Variants in ZBBX observed in about 807,000 individuals in gnomAD.
The protein encoded by ZBBX is zinc finger B-box domain containing, also known as zinc finger B-box domain-containing protein 1.
ZBBX carries 101 observed loss-of-function variants against 108.5 expected under a neutral mutation model. That is an observed-to-expected ratio of 0.93 (90% CI 0.79 to 1.10). ZBBX has a LOEUF of 1.10. Ranked by LOEUF, ZBBX falls within the 50% of genes least tolerant of loss-of-function variation. The probability of loss-of-function intolerance (pLI) is 0.00; values close to 1 mark genes in which losing one functional copy is unlikely to be tolerated. For synonymous variants in ZBBX, 356 were observed against 323.4 expected (o/e 1.10, Z -1.08); for missense variants, 1,009 against 941.4 (o/e 1.07, Z -0.94).
chr3:167,207,243 T>C, the ZBBX span, among the ~76,000 whole-genome samples: 3 of 152,208 alleles, frequency 2.0e-5, no homozygotes, highest in Non-Finnish European at 1.5e-5. Flanking sequence ...ATCCAAAATA[T>C]GTAAGGAATT....
chr3:167,211,717 A>C, the ZBBX span, among the ~76,000 whole-genome samples: 295 of 151,874 alleles, frequency 1.9e-3, 1 homozygote, highest in Non-Finnish European at 3.4e-3. Context: ...AAACATGGCC[A>C]GACTGCTACT....
chr3:167,314,913 T>C (rs1402681819), intron 15 of ZBBX, among the ~76,000 whole-genome samples: 1 of 152,008 alleles, frequency 6.6e-6, no homozygotes, highest in African/African-American at 2.4e-5. Context: ...AGAGATAGAG[T>C]GGTGCATATA....
chr3:167,273,099 C>G (rs1258358220), intron 20 of ZBBX, among the ~76,000 whole-genome samples: 1 of 152,112 alleles, frequency 6.6e-6, no homozygotes, highest in African/African-American at 2.4e-5. Context: ...CTCTTCACCC[C>G]CTTCCTTCTC....
intron 6 of ZBBX, among the ~76,000 whole-genome samples, chr3:167,364,312 C>A (rs1485953272): frequency 6.6e-6 from 1 of 151,992 alleles, no homozygotes; most frequent in Non-Finnish European, 1.5e-5. Flanking sequence ...TTCAGAAACA[C>A]TAGTCTAAAT....
At chr3:167,397,043 A>T (rs1748256414) in intron 1 of ZBBX, among the ~76,000 whole-genome samples, 1 of 150,302 alleles carries the variant, frequency 6.7e-6, no homozygotes, top group Non-Finnish European at 1.5e-5. Flanking sequence ...CCCTTTTTTA[A>T]ATTGAAACCT....
Position 167,298,389 on chromosome 3 carries a change from T to A in ZBBX, c.1795A>T (p.Ile599Phe). Residue 599 changes from isoleucine to phenylalanine, a missense_variant, in exon 18 of 22, where the codon ATT (isoleucine) becomes TTT (phenylalanine). Ile to Phe is a conservative substitution (Grantham distance 21). Transcript: ENST00000675490. Reference sequence around the variant, plus strand: ...TTGAGTCTTTCATTTGTATCAAAAATAAAGAATCTCTCAAGTCCTTGATAT... The same window carrying A: ...TTGAGTCTTTCATTTGTATCAAAAAAAAAGAATCTCTCAAGTCCTTGATAT... Reference protein sequence around the residue: ...KQYQGLERFFIFDTNERLNLL... With the variant: ...KQYQGLERFFFFDTNERLNLL... The A allele has an allele frequency of 6.3e-7, 1 of 1,598,004 alleles. No individual in the cohort carries two copies. Among genetic ancestry groups the A allele is most frequent in the South Asian group, 1.1e-5 (1 of 88,082 alleles).
rs115727972 is a variant in ZBBX at position 167,304,517 on chromosome 3, T to C, written c.1725+1126A>G. Among the ~76,000 whole-genome samples the C allele has an allele frequency of 9.4e-3, 1,433 of 152,292 alleles. 15 individuals are homozygous for C. Among genetic ancestry groups the C allele is most frequent in the African/African-American group, 0.032 (1,346 of 41,558 alleles). ...TGGGATAAGGTGTAAGCATGTCCTT[T>C]TATAAAGTATTAGTACTTACTTCTG... On this transcript the variant is annotated intron_variant, in intron 17 of 21. Transcript: ENST00000675490.
intron 20 of ZBBX, among the ~76,000 whole-genome samples, chr3:167,269,877 T>C (rs1726223112): frequency 1.3e-5 from 2 of 152,212 alleles, no homozygotes; most frequent in East Asian, 1.9e-4. Flanking sequence ...TTTCTGGGCA[T>C]GTCCCCTAGC....
chr3:167,203,730 T>G, the ZBBX span, among the ~76,000 whole-genome samples: 1 of 151,968 alleles, frequency 6.6e-6, no homozygotes, highest in Admixed American at 6.5e-5. Context: ...TTGTATTTAT[T>G]TTGTTTCTTT....
intron 8 of ZBBX, among the ~76,000 whole-genome samples, chr3:167,353,281 A>G (rs2108508203): frequency 6.6e-6 from 1 of 152,264 alleles, no homozygotes; most frequent in Admixed American, 6.5e-5. Flanking sequence ...ATTGTAAGAT[A>G]TATACCATGG....
intron 17 of ZBBX, among the ~76,000 whole-genome samples, 169 bp downstream of exon 17, chr3:167,305,474 C>T (rs1029835261): frequency 1.3e-5 from 2 of 152,008 alleles, no homozygotes; most frequent in African/African-American, 4.8e-5. Flanking sequence ...TCCTAGAGGC[C>T]ATTAATGTTC....
rs1395309753 is a variant in ZBBX, at chr3:167,242,766, T to G, written c.2255-123A>C. The stretch of plus-strand genomic sequence containing the variant: ...ATACAAAGAAGGTCAGCATAGATTT[T>G]TAATTATTCCTCAATTTTCTAATGT... On this transcript the variant is annotated intron_variant, in intron 20 of 21. Transcript: ENST00000675490. 5 of 876,172 alleles carry G rather than the reference T, an allele frequency of 5.7e-6. No homozygotes were observed. The East Asian group carries it at 1.2e-4, about 21-fold the overall frequency. 54.3% of individuals were successfully genotyped at this position (876,172 alleles called of 1,614,324 possible).
intron 2 of ZBBX, among the ~76,000 whole-genome samples, chr3:167,377,935 T>TC (rs956670324): frequency 6.6e-6 from 1 of 152,080 alleles, no homozygotes; most frequent in African/African-American, 2.4e-5. Flanking sequence ...GGGGACAGTT[T>TC]CCCCCACGCT....
intron 10 of ZBBX, among the ~76,000 whole-genome samples, 191 bp from the exon 11 acceptor site, chr3:167,328,307 C>A (rs1737777077): frequency 6.6e-6 from 1 of 151,960 alleles, no homozygotes; most frequent in African/African-American, 2.4e-5. Context: ...TTATTTAAAA[C>A]TCTATTGGCA....
chr3:167,342,645 T>C (rs1388995020), intron 9 of ZBBX, among the ~76,000 whole-genome samples: 3 of 151,846 alleles, frequency 2.0e-5, no homozygotes, highest in Non-Finnish European at 4.4e-5. Flanking sequence ...ATTTTCCCTA[T>C]CCACTAACTA....
intron 6 of ZBBX, among the ~76,000 whole-genome samples, chr3:167,362,457 C>A (rs963169292): frequency 2.0e-5 from 3 of 152,094 alleles, no homozygotes; most frequent in African/African-American, 7.2e-5. Context: ...ATCTGCCACA[C>A]TGAGCCCAAA....
At chr3:167,407,156 G>A (rs1330282826) in intron 1 of ZBBX, among the ~76,000 whole-genome samples, 1 of 151,952 alleles carries the variant, frequency 6.6e-6, no homozygotes, top group Non-Finnish European at 1.5e-5. Flanking sequence ...AACCTCAAAT[G>A]AATAAGTATA....
At chr3:167,220,572 G>C in the ZBBX span, among the ~76,000 whole-genome samples, 1 of 151,924 alleles carries the variant, frequency 6.6e-6, no homozygotes. Context: ...GTTAGGTATA[G>C]AGGGAGCATA....
chr3:167,360,024 T>C (rs1247565704), intron 7 of ZBBX, 45 bp from the exon 8 acceptor site: 3 of 1,175,544 alleles, frequency 2.6e-6, no homozygotes, highest in Non-Finnish European at 3.6e-6. Flanking sequence ...TAAAAATATG[T>C]TAAATTTTCC....
Sources: gnomAD v4.1 joint callset for allele counts (sites outside exome capture counted in the v4.1 genomes callset) on GRCh38, gnomAD v4.1.1 for gene constraint, MANE v1.5 for transcripts, NCBI Gene and HGNC (gene_info 2026-07-23, HGNC 2026-07-21) for gene names.